The following LRP1B variants were observed in gnomAD, a reference collection of about 807,000 sequenced individuals.
LRP1B encodes the protein LDL receptor related protein 1B, also known as low-density lipoprotein receptor-related protein 1B.
In LRP1B, 217 loss-of-function variants were observed where a neutral mutation model predicts 556.6. That is an observed-to-expected ratio of 0.39 (90% confidence interval 0.35 to 0.44). The LOEUF is 0.44. Among genes scored for constraint, LRP1B ranks in the 20% least tolerant of loss-of-function variants. The probability of loss-of-function intolerance (pLI) is 1.00; values close to 1 mark genes in which losing one functional copy is unlikely to be tolerated. For missense variants in LRP1B, 5,053 were observed against 5,620.8 expected (o/e 0.90, Z 3.23); for synonymous variants, 2,047 against 1,865.8 (o/e 1.10, Z -2.50).
At chr2:140,442,355 A>C (rs1686466590) in intron 66 of LRP1B, 149 bp downstream of exon 66, 1 of 987,712 alleles carries the variant, frequency 1.0e-6, no homozygotes, top group Middle Eastern at 2.2e-4. Flanking sequence ...AGCTAACCTA[A>C]GTTTTTATGA....
chr2:141,876,534 T>G (rs1698764775), intron 1 of LRP1B, among the ~76,000 whole-genome samples: 1 of 151,978 alleles, frequency 6.6e-6, no homozygotes, highest in Admixed American at 6.6e-5. Context: ...GATTATGTAG[T>G]TATTCTCTAT....
chr2:140,814,704 G>A lies in LRP1B; in HGVS notation c.5210-898C>T, dbSNP rs530139688. On this transcript the variant is annotated intron_variant, in intron 31 of 90. Transcript: ENST00000389484. The stretch of plus-strand genomic sequence containing the variant: ...TTCAGCAAATAGTAATTTTACCAAA[G>A]TACAGAATTAAATTGAGCTCATTTG... 2.0e-5 allele frequency among the ~76,000 whole-genome samples: 3 copies of A among 152,268 alleles called. No homozygotes were observed. In the South Asian group the frequency reaches 6.2e-4, roughly 32 times the overall value.
At chr2:141,131,127 G>T (rs1430462649) in intron 7 of LRP1B, among the ~76,000 whole-genome samples, 1 of 151,936 alleles carries the variant, frequency 6.6e-6, no homozygotes, top group African/African-American at 2.4e-5. Context: ...TTGTATCCCA[G>T]AACTTAAAAT....
At chr2:140,396,382 A>C (rs1318265981) in intron 66 of LRP1B, among the ~76,000 whole-genome samples, 1 of 152,210 alleles carries the variant, frequency 6.6e-6, no homozygotes, top group Non-Finnish European at 1.5e-5. Flanking sequence ...TCCTGATCAG[A>C]ACCACCATAC....
intron 31 of LRP1B, among the ~76,000 whole-genome samples, chr2:140,817,478 T>C (rs1329631345): frequency 6.6e-6 from 1 of 151,910 alleles, no homozygotes; most frequent in Non-Finnish European, 1.5e-5. Flanking sequence ...CTTTATATAT[T>C]ACTTTATTTG....
At chr2:140,481,795 C>T (rs187470902) in intron 59 of LRP1B, among the ~76,000 whole-genome samples, 28 of 152,032 alleles carry the variant, frequency 1.8e-4, no homozygotes, top group African/African-American at 6.7e-4. Flanking sequence ...TGACTTGTTC[C>T]TAGCTTTCCT....
At chr2:141,354,339 T>A (rs1688548688) in intron 3 of LRP1B, among the ~76,000 whole-genome samples, 1 of 152,022 alleles carries the variant, frequency 6.6e-6, no homozygotes, top group South Asian at 2.1e-4. Flanking sequence ...GCAGAACCCA[T>A]CACTCACATA....
At chr2:140,330,045 C>CA (rs1302427061) in intron 79 of LRP1B, among the ~76,000 whole-genome samples, 1 of 151,382 alleles carries the variant, frequency 6.6e-6, no homozygotes, top group Non-Finnish European at 1.5e-5. Flanking sequence ...GCTAAAAATA[C>CA]AAAAATTAGC....
intron 1 of LRP1B, among the ~76,000 whole-genome samples, chr2:142,087,218 T>C (rs1341280872): frequency 6.6e-6 from 1 of 152,190 alleles, no homozygotes; most frequent in African/African-American, 2.4e-5. Flanking sequence ...AGACACTGTC[T>C]TCTCATGGAT....
intron 1 of LRP1B, among the ~76,000 whole-genome samples, chr2:142,013,201 T>C (rs575478002): frequency 6.6e-6 from 1 of 152,284 alleles, no homozygotes; most frequent in South Asian, 2.1e-4. Context: ...TACTTTTTTT[T>C]CAATTAAGAT....
chr2:140,400,311 C>T (rs557696592), intron 66 of LRP1B, among the ~76,000 whole-genome samples: 4 of 152,290 alleles, frequency 2.6e-5, no homozygotes, highest in African/African-American at 4.8e-5. Flanking sequence ...CTGATGAATA[C>T]GTATTCCAGC....
intron 21 of LRP1B, among the ~76,000 whole-genome samples, chr2:140,911,186 G>A (rs1294064737): frequency 6.6e-6 from 1 of 151,792 alleles, no homozygotes; most frequent in African/African-American, 2.4e-5. Flanking sequence ...GGCTTTTGAT[G>A]TGTTGAAAGG....
chr2:141,377,202 G>C (rs183013521), intron 3 of LRP1B, among the ~76,000 whole-genome samples: 25 of 152,050 alleles, frequency 1.6e-4, no homozygotes, highest in Admixed American at 8.5e-4. Flanking sequence ...TTCCAAATTT[G>C]TTTCCCGATC....
At chr2:142,049,884 T>C (rs1430466836) in intron 1 of LRP1B, among the ~76,000 whole-genome samples, 1 of 152,182 alleles carries the variant, frequency 6.6e-6, no homozygotes, top group Admixed American at 6.6e-5. Flanking sequence ...GATTGTTGGA[T>C]TCTTCCTCTT....
intron 32 of LRP1B, among the ~76,000 whole-genome samples, chr2:140,778,414 C>T (rs1384898622): frequency 6.6e-6 from 1 of 152,122 alleles, no homozygotes; most frequent in African/African-American, 2.4e-5. Context: ...GAAAACTTCT[C>T]TCAATACCGT....
At chr2:141,845,767 CAT>C (rs1262734408) in intron 1 of LRP1B, among the ~76,000 whole-genome samples, 4 of 151,702 alleles carry the variant, frequency 2.6e-5, no homozygotes, top group Non-Finnish European at 5.9e-5. Flanking sequence ...GCAGAGCTAA[CAT>C]AGAAAAATAA....
intron 35 of LRP1B, among the ~76,000 whole-genome samples, chr2:140,767,652 A>T (rs1373810489): frequency 2.7e-5 from 4 of 150,936 alleles, no homozygotes; most frequent in Non-Finnish European, 4.4e-5. Context: ...TTTAATTATT[A>T]TTTTTTTTAT....
At chr2:141,231,583 C>T (rs1683471306) in intron 5 of LRP1B, among the ~76,000 whole-genome samples, 1 of 152,018 alleles carries the variant, frequency 6.6e-6, no homozygotes, top group Non-Finnish European at 1.5e-5. Context: ...TAGCACGTAG[C>T]ACGTTCCCTT....
intron 7 of LRP1B, among the ~76,000 whole-genome samples, chr2:141,155,268 G>A (rs925925): frequency 0.94 from 142,761 of 151,662 alleles, 67,756 homozygotes; most frequent in East Asian, 1. Flanking sequence ...TTAATGTTCA[G>A]AAAGTTTTAA....
Sources: gnomAD v4.1 joint callset for allele counts (sites outside exome capture counted in the v4.1 genomes callset) on GRCh38, gnomAD v4.1.1 for gene constraint, MANE v1.5 for transcripts, NCBI Gene and HGNC (gene_info 2026-07-23, HGNC 2026-07-21) for gene names.